Variants in PHACTR1 observed in about 807,000 individuals in gnomAD.
The protein encoded by PHACTR1 is RPEL repeat containing 1.
In PHACTR1, 16 loss-of-function variants were observed where a neutral mutation model predicts 69.2. That is an observed-to-expected ratio of 0.23 (90% CI 0.16 to 0.35). The LOEUF (loss-of-function observed/expected upper bound fraction) is 0.35. Among genes scored for constraint, PHACTR1 ranks in the 10% least tolerant of loss-of-function variants. The pLI, the probability that PHACTR1 is intolerant of heterozygous loss-of-function variation, is 1.00. For synonymous variants in PHACTR1, 312 were observed against 284.5 expected, an observed-to-expected ratio of 1.10 and a Z score of -0.97; for missense variants, 510 against 734.7, an observed-to-expected ratio of 0.69 and a Z score of 3.54.
chr6:13,013,648 A>G (rs1381950334), intron 4 of PHACTR1, among the ~76,000 whole-genome samples: 1 of 152,024 alleles, frequency 6.6e-6, no homozygotes, highest in Non-Finnish European at 1.5e-5. Context: ...CTTCTCAGGT[A>G]GGACCCAGGA....
intron 4 of PHACTR1, among the ~76,000 whole-genome samples, chr6:12,777,962 T>C (rs1319935516): frequency 1.3e-5 from 2 of 152,164 alleles, no homozygotes; most frequent in African/African-American, 4.8e-5. Flanking sequence ...CTACAGTTAT[T>C]AACTGGTATG....
chr6:13,071,749 G>A (rs562726075), intron 5 of PHACTR1, among the ~76,000 whole-genome samples: 3 of 152,228 alleles, frequency 2.0e-5, no homozygotes, highest in East Asian at 1.9e-4. Flanking sequence ...GTTTTGTTCC[G>A]TATTGCTGGG....
chr6:13,028,357 A>G (rs1801990046), intron 4 of PHACTR1, among the ~76,000 whole-genome samples: 1 of 152,232 alleles, frequency 6.6e-6, no homozygotes, highest in Non-Finnish European at 1.5e-5. Flanking sequence ...TTGAGAAGAA[A>G]TGTTTCCACT....
intron 5 of PHACTR1, among the ~76,000 whole-genome samples, chr6:13,153,420 G>A (rs1757734853): frequency 6.6e-6 from 1 of 152,212 alleles, no homozygotes; most frequent in Admixed American, 6.5e-5. Flanking sequence ...AGGCAAGTGA[G>A]ATATGCGAAA....
chr6:13,228,821 C>G (rs1471061894), intron 9 of PHACTR1, among the ~76,000 whole-genome samples: 1 of 152,206 alleles, frequency 6.6e-6, no homozygotes, highest in African/African-American at 2.4e-5. Flanking sequence ...CTCACGTCTG[C>G]TAAGGGGCAA....
At chr6:13,055,024 T>G (rs1806556828) in intron 5 of PHACTR1, among the ~76,000 whole-genome samples, 1 of 151,740 alleles carries the variant, frequency 6.6e-6, no homozygotes, top group Non-Finnish European at 1.5e-5. Context: ...TGAATATCAG[T>G]CCACAGATCT....
intron 4 of PHACTR1, among the ~76,000 whole-genome samples, chr6:12,938,813 CTT>C (rs375357006): frequency 6.7e-6 from 1 of 149,470 alleles, no homozygotes; most frequent in Admixed American, 6.7e-5. Flanking sequence ...AAAGGATGAA[CTT>C]TTTTTTTTGT....
chr6:12,858,912 T>C (rs575401065), intron 4 of PHACTR1, among the ~76,000 whole-genome samples: 1 of 152,362 alleles, frequency 6.6e-6, no homozygotes, highest in East Asian at 1.9e-4. Flanking sequence ...ATTGTTAAGA[T>C]GTTCAGTGTT....
rs570831747 is a variant in PHACTR1 at position 13,051,567 on chromosome 6, C to A, written c.251-1798C>A. 4.6e-5 allele frequency among the ~76,000 whole-genome samples: 7 copies of A among 152,286 alleles called. No individual in the cohort carries two copies. The South Asian group carries it at 1.5e-3, about 32-fold the overall frequency. ...GTCCCTAGATGTTCCATGCCTTCAG[C>A]CCTCTCTATTCCTGTTGGGTCTGTT... On this transcript the variant is annotated intron_variant, in intron 4 of 14. Transcript: ENST00000332995.
intron 4 of PHACTR1, among the ~76,000 whole-genome samples, chr6:12,790,208 C>A (rs1195214639): frequency 1.3e-5 from 2 of 152,050 alleles, no homozygotes; most frequent in Non-Finnish European, 1.5e-5. Context: ...GAGTAAAAGC[C>A]AAAATCCTGA....
chr6:12,834,347 T>C (rs1322290439), intron 4 of PHACTR1, among the ~76,000 whole-genome samples: 1 of 152,166 alleles, frequency 6.6e-6, no homozygotes, highest in Non-Finnish European at 1.5e-5. Context: ...TGAGTAGAAA[T>C]GTCTCAACCT....
chr6:13,092,229 G>A (rs1255670617), intron 5 of PHACTR1, among the ~76,000 whole-genome samples: 2 of 152,230 alleles, frequency 1.3e-5, no homozygotes, highest in African/African-American at 4.8e-5. Context: ...CTCCAGCTCT[G>A]CGGCACAGTT....
rs528270933 is a variant in PHACTR1 at position 12,773,044 on chromosome 6, G to A, written c.250+23254G>A. Among the ~76,000 whole-genome samples, 54 of 152,276 alleles carry A rather than the reference G, an allele frequency of 3.5e-4. No homozygotes were observed. In the South Asian group the frequency reaches 1.0e-2, roughly 28 times the overall value. On this transcript the variant is annotated intron_variant, in intron 4 of 14. Transcript: ENST00000332995. ...ACAAGACCTTTAAATAAGAAAATAT[G>A]CCCTTTAAAATAATGAAAGGAATAA...
intron 4 of PHACTR1, among the ~76,000 whole-genome samples, chr6:12,814,024 C>T (rs1056405552): frequency 6.6e-6 from 1 of 152,208 alleles, no homozygotes; most frequent in Non-Finnish European, 1.5e-5. Context: ...ATTCTCAGTC[C>T]AGCTCCTTCT....
chr6:13,010,867 T>C (rs1011052169), intron 4 of PHACTR1, among the ~76,000 whole-genome samples: 9 of 151,518 alleles, frequency 5.9e-5, no homozygotes, highest in Admixed American at 3.9e-4. Context: ...CCAGTAGTAA[T>C]TCTTCACTGA....
intron 4 of PHACTR1, among the ~76,000 whole-genome samples, chr6:12,869,602 C>T (rs1251832972): frequency 6.6e-6 from 1 of 152,204 alleles, no homozygotes; most frequent in South Asian, 2.1e-4. Context: ...GGGCTCTTCA[C>T]TGCATTGCAA....
intron 5 of PHACTR1, among the ~76,000 whole-genome samples, chr6:13,060,572 A>C (rs1313329515): frequency 6.6e-6 from 1 of 152,204 alleles, no homozygotes; most frequent in Non-Finnish European, 1.5e-5. Context: ...GCACAGAAAG[A>C]AGGGCTAGTA....
intron 10 of PHACTR1, among the ~76,000 whole-genome samples, chr6:13,261,014 C>T (rs74521580): frequency 0.056 from 8,561 of 152,160 alleles, 426 homozygotes; most frequent in African/African-American, 0.13. Flanking sequence ...CTCTATCTAC[C>T]GGATGCCAAC....
intron 4 of PHACTR1, among the ~76,000 whole-genome samples, chr6:12,874,289 G>A (rs1782333009): frequency 6.6e-6 from 1 of 152,156 alleles, no homozygotes; most frequent in Non-Finnish European, 1.5e-5. Context: ...CTCAGGGCTT[G>A]TTCCTCCAGA....
Sources: gnomAD v4.1 joint callset for allele counts (sites outside exome capture counted in the v4.1 genomes callset) on GRCh38, gnomAD v4.1.1 for gene constraint, MANE v1.5 for transcripts, NCBI Gene and HGNC (gene_info 2026-07-23, HGNC 2026-07-21) for gene names.